The following STX2 variants were observed in gnomAD, a reference collection of about 807,000 sequenced individuals.
The protein encoded by STX2 is syntaxin-2.
A neutral mutation model predicts 40.6 loss-of-function variants in STX2; 27 were observed. The observed-to-expected ratio is 0.66, with a 90% CI of 0.49 to 0.92. The LOEUF is 0.92. Ranked by LOEUF, STX2 falls within the 40% of genes least tolerant of loss-of-function variation. The pLI, the probability that STX2 is intolerant of heterozygous loss-of-function variation, is 0.00. For missense variants in STX2, 328 were observed against 366.1 expected, an observed-to-expected ratio of 0.90 and a Z score of 0.85; for synonymous variants, 123 against 119.1, an observed-to-expected ratio of 1.03 and a Z score of -0.22.
At chr12:130,801,842 A>G (rs1951240190) in intron 6 of STX2, among the ~76,000 whole-genome samples, 1 of 152,234 alleles carries the variant, frequency 6.6e-6, no homozygotes, top group African/African-American at 2.4e-5. Context: ...TGTAGCATGT[A>G]TTAAATGAGG....
intron 6 of STX2, among the ~76,000 whole-genome samples, chr12:130,805,908 C>G (rs114746964): frequency 0.015 from 2,350 of 152,270 alleles, 66 homozygotes; most frequent in African/African-American, 0.054. Context: ...CCAGAGCAGA[C>G]AGGACACTGG....
intron 1 of STX2, among the ~76,000 whole-genome samples, chr12:130,838,320 C>G (rs113007686): frequency 6.6e-6 from 1 of 152,232 alleles, no homozygotes; most frequent in Non-Finnish European, 1.5e-5. Context: ...CACCTTTACA[C>G]GTGTAGAATG....
intron 8 of STX2, among the ~76,000 whole-genome samples, chr12:130,800,429 G>A (rs1164342041): frequency 5.3e-5 from 8 of 151,812 alleles, no homozygotes; most frequent in Admixed American, 3.3e-4. Flanking sequence ...GCCTCCCAGA[G>A]GAGTTTTCTA....
chr12:130,838,927 G>C (rs1443954949), intron 1 of STX2, 143 bp downstream of exon 1: 5 of 875,662 alleles, frequency 5.7e-6, no homozygotes, highest in South Asian at 3.9e-5. Flanking sequence ...CTGAGACCCT[G>C]CCCGCAGCCC....
chr12:130,814,315 C>T (rs1038202454), intron 3 of STX2, among the ~76,000 whole-genome samples: 11 of 152,142 alleles, frequency 7.2e-5, no homozygotes, highest in African/African-American at 1.9e-4. Flanking sequence ...AGACTAACAA[C>T]GGACGAGACA....
chr12:130,796,925 C>T (rs547753774), intron 9 of STX2, among the ~76,000 whole-genome samples: 11 of 152,260 alleles, frequency 7.2e-5, no homozygotes, highest in Admixed American at 2.6e-4. Context: ...CACATGGCTC[C>T]GCGGGAATAA....
intron 6 of STX2, among the ~76,000 whole-genome samples, chr12:130,806,180 T>C (rs989742002): frequency 6.6e-6 from 1 of 152,220 alleles, no homozygotes; most frequent in Non-Finnish European, 1.5e-5. Context: ...GGCGGGCATA[T>C]GACAACATTC....
chr12:130,819,400 G>A (rs1952027970), intron 3 of STX2, among the ~76,000 whole-genome samples: 2 of 151,978 alleles, frequency 1.3e-5, no homozygotes, highest in South Asian at 2.1e-4. Flanking sequence ...CCCATCACTG[G>A]GAGAGAGGAA....
rs1210315010 is a variant in STX2, at chr12:130,807,027, A to C, written c.418T>G (p.Phe140Val). ...MAEYNEAQTL[F>V]RERSKGRIQR... ...ATGCGGCCTTTGCTCCGCTCCCGAA[A>C]CAGAGTCTGTGCCTCATTGTACTCC... is the stretch of plus-strand genomic sequence containing the variant. Residue 140 changes from phenylalanine (F) to valine (V), a missense_variant, in exon 6 of 11, where the codon TTT (phenylalanine) becomes GTT (valine). Transcript: ENST00000392373. 1 of 1,614,230 alleles carries C rather than the reference A, an allele frequency of 6.2e-7. No individual in the cohort carries two copies. Among genetic ancestry groups the C allele is most frequent in the Non-Finnish European group, 8.5e-7 (1 of 1,180,036 alleles).
At chr12:130,796,959 C>T (rs892181411) in intron 9 of STX2, among the ~76,000 whole-genome samples, 8 of 152,130 alleles carry the variant, frequency 5.3e-5, no homozygotes, top group African/African-American at 1.9e-4. Flanking sequence ...GGAGTGGGGA[C>T]GACCCACACC....
At chr12:130,792,163 T>G (rs968116560) in intron 10 of STX2, among the ~76,000 whole-genome samples, 186 bp from the exon 11 acceptor site, 4 of 152,086 alleles carry the variant, frequency 2.6e-5, no homozygotes, top group African/African-American at 9.7e-5. Context: ...CGGGTTCAAG[T>G]GATTCTCCTG....
chr12:130,829,786 G>C (rs1040120580), intron 1 of STX2, among the ~76,000 whole-genome samples: 3 of 152,140 alleles, frequency 2.0e-5, no homozygotes, highest in African/African-American at 7.2e-5. Context: ...AAGCATCACC[G>C]CTTTAAGTCA....
At chr12:130,832,330 T>G (rs1952596200) in intron 1 of STX2, among the ~76,000 whole-genome samples, 1 of 152,178 alleles carries the variant, frequency 6.6e-6, no homozygotes, top group African/African-American at 2.4e-5. Flanking sequence ...AGGCTCCTAT[T>G]GTGCCTAATA....
At chr12:130,802,053 G>A (rs1397057272) in intron 6 of STX2, among the ~76,000 whole-genome samples, 1 of 152,188 alleles carries the variant, frequency 6.6e-6, no homozygotes, top group Non-Finnish European at 1.5e-5. Context: ...TAATTCAAAT[G>A]TCATCTAATA....
intron 6 of STX2, among the ~76,000 whole-genome samples, chr12:130,805,496 G>A (rs954693718): frequency 2.6e-5 from 4 of 152,162 alleles, no homozygotes; most frequent in Admixed American, 1.3e-4. Flanking sequence ...TGAGAGATGA[G>A]AGAGATGCAG....
At chr12:130,809,366 G>T (rs1328325192) in intron 4 of STX2, among the ~76,000 whole-genome samples, 3 of 152,142 alleles carry the variant, frequency 2.0e-5, no homozygotes, top group Non-Finnish European at 4.4e-5. Context: ...GGACGATGAA[G>T]AAAGAAGCTA....
At chr12:130,836,181 T>C (rs1056648332) in intron 1 of STX2, among the ~76,000 whole-genome samples, 1 of 152,230 alleles carries the variant, frequency 6.6e-6, no homozygotes, top group African/African-American at 2.4e-5. Flanking sequence ...TTGTATCTGG[T>C]AACTTTAAGA....
intron 2 of STX2, among the ~76,000 whole-genome samples, chr12:130,826,832 C>G (rs1200588963): frequency 7.2e-6 from 1 of 139,464 alleles, no homozygotes; most frequent in Non-Finnish European, 1.6e-5. Context: ...GAAACCCCGT[C>G]TCTACTAAAA....
intron 4 of STX2, 149 bp downstream of exon 4, chr12:130,812,808 A>G: frequency 1.7e-6 from 1 of 599,368 alleles, no homozygotes; most frequent in East Asian, 3.1e-5. Context: ...AATATTAATT[A>G]GTACTCTGAA....
Sources: allele counts gnomAD v4.1 joint callset (sites outside exome capture counted in the v4.1 genomes callset), GRCh38; gene constraint gnomAD v4.1.1; transcripts MANE v1.5; gene names NCBI Gene and HGNC (gene_info 2026-07-23, HGNC 2026-07-21).